Variants in GALNT18 observed in about 807,000 individuals in gnomAD.
GALNT18 encodes GalNAc-transferase 18.
Under a neutral mutation model 69.5 loss-of-function variants are expected in GALNT18, and 44 were observed. The ratio of observed to expected loss-of-function variants is 0.63; its 90% CI spans 0.50 to 0.81. The LOEUF is 0.81. Among genes scored for constraint, GALNT18 ranks in the 40% least tolerant of loss-of-function variants. The pLI is 0.00. For synonymous variants in GALNT18, 364 were observed against 318.2 expected (o/e 1.14, Z -1.53); for missense variants, 715 against 810.0 (o/e 0.88, Z 1.42).
intron 1 of GALNT18, among the ~76,000 whole-genome samples, chr11:11,457,707 C>T (rs887312392): frequency 1.3e-5 from 2 of 152,178 alleles, no homozygotes; most frequent in Non-Finnish European, 2.9e-5. Flanking sequence ...GGTTTGTGCA[C>T]CTAGGGATGT....
intron 3 of GALNT18, among the ~76,000 whole-genome samples, chr11:11,397,405 T>C (rs1030671046): frequency 3.3e-5 from 5 of 152,120 alleles, no homozygotes; most frequent in African/African-American, 7.2e-5. Context: ...TAACCAGTGA[T>C]GATCCAAAGC....
At chr11:11,386,274 C>A (rs1854054171) in intron 3 of GALNT18, among the ~76,000 whole-genome samples, 1 of 152,178 alleles carries the variant, frequency 6.6e-6, no homozygotes, top group African/African-American at 2.4e-5. Context: ...GTCCCCACAG[C>A]AGTACCATGT....
At chr11:11,579,427 G>A (rs756035399) in intron 1 of GALNT18, among the ~76,000 whole-genome samples, 57 of 152,178 alleles carry the variant, frequency 3.7e-4, no homozygotes, top group Non-Finnish European at 6.5e-4. Context: ...TTTAATGTGT[G>A]TCCAAATAAA....
At chr11:11,478,586 G>A (rs1382770091) in intron 1 of GALNT18, among the ~76,000 whole-genome samples, 1 of 151,950 alleles carries the variant, frequency 6.6e-6, no homozygotes, top group African/African-American at 2.4e-5. Flanking sequence ...TGAAATGAAT[G>A]GATCACATTC....
At chr11:11,271,360 C>A (rs766241750) in intron 10 of GALNT18, 70 bp from the exon 11 acceptor site, 2 of 1,526,206 alleles carry the variant, frequency 1.3e-6, no homozygotes, top group Non-Finnish European at 1.8e-6. Flanking sequence ...GAGCCTCAGG[C>A]CAAGTGGCTG....
chr11:11,279,632 G>A (rs1849025752), intron 10 of GALNT18, among the ~76,000 whole-genome samples: 1 of 152,158 alleles, frequency 6.6e-6, no homozygotes, highest in African/African-American at 2.4e-5. Context: ...TCGAGCAGAA[G>A]CAGCCAGACA....
At position 11,459,718 on chromosome 11, in the gene GALNT18, C is replaced by T. The variant is rs1000324079; in HGVS notation, c.236-10782G>A. On this transcript the variant is annotated intron_variant, in intron 1 of 10. Coordinates refer to ENST00000227756, the MANE Select transcript of GALNT18 (RefSeq NM_198516.3). This position sits in a 1 kb window ranked among gnomAD's most constrained non-coding sequence, Gnocchi z 5.0. ...AGATTAAGTGAGATGATGGACACCC[C>T]GAAAGTGCTTAGCAAACCATCAGAT... Among the ~76,000 whole-genome samples the T allele has an allele frequency of 7.2e-5, 11 of 152,134 alleles. No homozygotes were observed. The highest frequency in any genetic ancestry group is 1.9e-4 in the African/African-American group (8 of 41,420).
Position 11,563,347 on chromosome 11 carries a change from T to C in GALNT18, c.235+58012A>G, listed in dbSNP as rs1486746213. Among the ~76,000 whole-genome samples the C allele has an allele frequency of 1.3e-5, 2 of 151,900 alleles. No individual in the cohort carries two copies. Among genetic ancestry groups the C allele is most frequent in the Non-Finnish European group, 2.9e-5 (2 of 67,964 alleles). On this transcript the variant is annotated intron_variant, in intron 1 of 10. Coordinates refer to ENST00000227756, the MANE Select transcript of GALNT18 (RefSeq NM_198516.3). This position sits in a 1 kb window ranked among gnomAD's most constrained non-coding sequence, Gnocchi z 4.6. ...GCTCCAGTCATCTAAGTAAGGCTTGTTGGTAGAGGAACAGCCGAGATCTGG... is the reference window on the plus strand; with the variant it reads ...GCTCCAGTCATCTAAGTAAGGCTTGCTGGTAGAGGAACAGCCGAGATCTGG...
chr11:11,594,838 TATACAC>T (rs201460597), intron 1 of GALNT18, among the ~76,000 whole-genome samples: 4,239 of 64,690 alleles, frequency 0.066, 153 homozygotes, highest in East Asian at 0.26. Flanking sequence ...TATATATATA[TATACAC>T]ATATACATAC....
chr11:11,291,146 G>A lies in GALNT18; in HGVS notation c.1677+1883C>T, dbSNP rs78965608. ...AAATCTGGCAGAGGAAAGTGATGAA[G>A]GCTTCTGCTAGGCACAGTGTCAAGT... On this transcript the variant is annotated intron_variant, in intron 10 of 10. Transcript: ENST00000227756. Among the ~76,000 whole-genome samples the A allele has an allele frequency of 3.5e-3, 537 of 152,244 alleles. 2 individuals are homozygous for A. The highest frequency in any genetic ancestry group is 0.012 in the African/African-American group (484 of 41,520).
At chr11:11,296,520 G>A (rs1417013261) in intron 9 of GALNT18, among the ~76,000 whole-genome samples, 1 of 152,154 alleles carries the variant, frequency 6.6e-6, no homozygotes, top group South Asian at 2.1e-4. Flanking sequence ...GGACAGCCAG[G>A]GAGCCAGTCA....
chr11:11,381,461 C>T (rs939169679), intron 3 of GALNT18, among the ~76,000 whole-genome samples: 2 of 152,178 alleles, frequency 1.3e-5, no homozygotes, highest in African/African-American at 4.8e-5. Context: ...CCAATACCTA[C>T]CATGACTAAG....
intron 1 of GALNT18, among the ~76,000 whole-genome samples, chr11:11,574,827 A>G (rs902974184): frequency 1.3e-5 from 2 of 152,236 alleles, no homozygotes; most frequent in Admixed American, 1.3e-4. Flanking sequence ...AAGCATTAGT[A>G]TAAATTACTC....
intron 1 of GALNT18, among the ~76,000 whole-genome samples, chr11:11,462,417 C>G (rs973320691): frequency 3.9e-5 from 6 of 152,022 alleles, no homozygotes; most frequent in Non-Finnish European, 7.4e-5. Context: ...GCTGCGGTTA[C>G]AGGCTCCTGC....
chr11:11,302,308 G>C (rs1332842912), intron 9 of GALNT18, among the ~76,000 whole-genome samples: 1 of 152,134 alleles, frequency 6.6e-6, no homozygotes. Flanking sequence ...CAAAGAATGG[G>C]TGCCCCATTT....
rs914414857 is a variant in GALNT18, at chr11:11,505,126, G to A, written c.236-56190C>T. On this transcript the variant is annotated intron_variant, in intron 1 of 10. Transcript: ENST00000227756. This position sits in a 1 kb window ranked among gnomAD's most constrained non-coding sequence, Gnocchi z 4.6. The stretch of plus-strand genomic sequence containing the variant: ...ACCTTGAGGGGATGACATTTGAAGA[G>A]GGCTTGAAGAATGAGTGGAGTTCAG... Among the ~76,000 whole-genome samples, 1 of 152,224 alleles carries A rather than the reference G, an allele frequency of 6.6e-6. No individual in the cohort carries two copies. The highest frequency in any genetic ancestry group is 2.4e-5 in the African/African-American group (1 of 41,452).
intron 1 of GALNT18, among the ~76,000 whole-genome samples, chr11:11,575,443 G>A (rs1225328734): frequency 1.3e-5 from 2 of 152,218 alleles, no homozygotes; most frequent in Non-Finnish European, 2.9e-5. Context: ...CTCAGGAGGA[G>A]AGAGCCTACA....
intron 9 of GALNT18, among the ~76,000 whole-genome samples, chr11:11,312,270 C>T (rs973850026): frequency 6.6e-6 from 1 of 152,154 alleles, no homozygotes; most frequent in Non-Finnish European, 1.5e-5. Context: ...TTTGATTCCC[C>T]CAAAACTTAA....
At chr11:11,451,756 C>T (rs1049986331) in intron 1 of GALNT18, among the ~76,000 whole-genome samples, 1 of 152,196 alleles carries the variant, frequency 6.6e-6, no homozygotes, top group African/African-American at 2.4e-5. Context: ...TTTCAAAATA[C>T]ATCAGTTAAT....
Sources: gnomAD v4.1 joint callset for allele counts (sites outside exome capture counted in the v4.1 genomes callset) on GRCh38, gnomAD v4.1.1 for gene constraint, Gnocchi (gnomAD v3.1) non-coding constraint, MANE v1.5 for transcripts, NCBI Gene and HGNC (gene_info 2026-07-23, HGNC 2026-07-21) for gene names.